Variants in FBN2 observed in about 807,000 individuals in gnomAD.
FBN2 encodes the protein fibrillin-2.
In FBN2, 105 loss-of-function variants were observed where a neutral mutation model predicts 355.6. The observed-to-expected ratio is 0.30, with a 90% CI of 0.25 to 0.35. The LOEUF is 0.35. Ranked by LOEUF, FBN2 falls within the 10% of genes least tolerant of loss-of-function variation. The pLI is 1.00. For missense variants in FBN2, 3,280 were observed against 3,758.7 expected (o/e 0.87, Z 3.33); for synonymous variants, 1,350 against 1,301.2 (o/e 1.04, Z -0.81).
At chr5:128,487,506 T>C (rs1461105483) in intron 5 of FBN2, among the ~76,000 whole-genome samples, 1 of 152,214 alleles carries the variant, frequency 6.6e-6, no homozygotes, top group Non-Finnish European at 1.5e-5. Context: ...CTCTGTTTTC[T>C]TTGGGCACTT....
At chr5:128,402,425 A>G (rs1266680297) in intron 8 of FBN2, among the ~76,000 whole-genome samples, 1 of 152,178 alleles carries the variant, frequency 6.6e-6, no homozygotes, top group Non-Finnish European at 1.5e-5. Flanking sequence ...TTACAGTCAC[A>G]CCGAGAAACA....
At chr5:128,408,942 C>A (rs1383146794) in intron 7 of FBN2, 143 bp from the exon 8 acceptor site, 2 of 906,860 alleles carry the variant, frequency 2.2e-6, no homozygotes, top group Non-Finnish European at 3.5e-6. Flanking sequence ...TTGTTTCAGG[C>A]CCCAAAGAAT....
chr5:128,305,771 A>T, intron 43 of FBN2, 52 bp downstream of exon 43: 1 of 1,605,526 alleles, frequency 6.2e-7, no homozygotes, highest in Non-Finnish European at 8.5e-7. Flanking sequence ...TCTAAATGCT[A>T]TATATGTATA....
chr5:128,259,527 G>A lies in FBN2; in HGVS notation c.8667C>T (p.Ser2889=), dbSNP rs771442533. The change falls in exon 65 of 65, where the codon AGC becomes AGT. Residue 2889 remains serine, a synonymous_variant. Coordinates refer to ENST00000262464, the MANE Select transcript of FBN2 (RefSeq NM_001999.4). ...CCCCTAGGAGGTAGTCATCCTCATT[G>A]CTCTCTTCCAGTTTCTTAAGCTCCT... ...KKKELKKLEE[S]NEDDYLLGEL... 5.6e-6 allele frequency: 9 copies of A among 1,613,944 alleles called. No individual in the cohort carries two copies. The highest frequency in any genetic ancestry group is 7.6e-6 in the Non-Finnish European group (9 of 1,179,962).
intron 39 of FBN2, 100 bp from the exon 40 acceptor site, chr5:128,310,208 C>A: frequency 1.0e-6 from 1 of 1,002,230 alleles, no homozygotes; most frequent in Non-Finnish European, 1.5e-6. Context: ...TCTCTAAATC[C>A]CCATTTATGC....
chr5:128,362,407 C>T (rs1378388144), intron 18 of FBN2, among the ~76,000 whole-genome samples: 1 of 152,156 alleles, frequency 6.6e-6, no homozygotes, highest in East Asian at 1.9e-4. Context: ...TTTTAGCAGT[C>T]CAGAACAGCC....
At chr5:128,281,102 C>T (rs973705322) in intron 55 of FBN2, among the ~76,000 whole-genome samples, 19 of 151,902 alleles carry the variant, frequency 1.3e-4, no homozygotes, top group Admixed American at 9.8e-4. Context: ...TTAGTATTTG[C>T]CTTGAATATT....
intron 42 of FBN2, 103 bp from the exon 43 acceptor site, chr5:128,306,051 T>C: frequency 8.5e-7 from 1 of 1,183,128 alleles, no homozygotes. Flanking sequence ...GTACAAATAT[T>C]CAGTGTCACA....
At chr5:128,375,028 G>A (rs1247564153) in intron 14 of FBN2, among the ~76,000 whole-genome samples, 1 of 152,044 alleles carries the variant, frequency 6.6e-6, no homozygotes. Flanking sequence ...ATTCAAATTA[G>A]TTAAGTAAAA....
chr5:128,262,912 C>A (rs1765011312), intron 63 of FBN2, among the ~76,000 whole-genome samples: 2 of 152,218 alleles, frequency 1.3e-5, no homozygotes, highest in East Asian at 3.9e-4. Flanking sequence ...TCTTGTGGGT[C>A]AGGCCCGTGC....
chr5:128,402,784 T>C (rs552102291), intron 8 of FBN2, among the ~76,000 whole-genome samples: 6 of 152,328 alleles, frequency 3.9e-5, no homozygotes, highest in African/African-American at 1.2e-4. Flanking sequence ...CACTCACCTC[T>C]TTGATGGTCT....
chr5:128,296,863 T>G (rs529090937), intron 48 of FBN2, among the ~76,000 whole-genome samples: 1 of 151,638 alleles, frequency 6.6e-6, no homozygotes, highest in East Asian at 1.9e-4. Context: ...TTTTAGTTAT[T>G]TCTTGCCTTC....
In FBN2 at chr5:128,337,698, C is replaced by T. The variant is rs192070791; in HGVS notation, c.3598+299G>A. On this transcript the variant is annotated intron_variant, in intron 27 of 64. Transcript: ENST00000262464. Reference sequence around the variant, plus strand: ...GGTGCACAACGCACACAGTAGCTTTCCCATTTTTTCCTAATGGAGGATGAG... The same window carrying T: ...GGTGCACAACGCACACAGTAGCTTTTCCATTTTTTCCTAATGGAGGATGAG... 2.7e-3 allele frequency among the ~76,000 whole-genome samples: 418 copies of T among 152,304 alleles called. 11 individuals are homozygous for T. Among genetic ancestry groups the T allele is most frequent in the Non-Finnish European group, 2.4e-4 (16 of 68,026 alleles).
intron 6 of FBN2, among the ~76,000 whole-genome samples, chr5:128,456,970 T>C (rs1419707973): frequency 1.3e-5 from 2 of 152,132 alleles, no homozygotes; most frequent in Non-Finnish European, 2.9e-5. Flanking sequence ...TTGACAGAAG[T>C]AGGCTTCACA....
At chr5:128,532,808 G>T (rs1756741864) in intron 2 of FBN2, among the ~76,000 whole-genome samples, 1 of 152,180 alleles carries the variant, frequency 6.6e-6, no homozygotes, top group South Asian at 2.1e-4. Context: ...CACCTTGGGA[G>T]CCTTAGGCAA....
intron 6 of FBN2, among the ~76,000 whole-genome samples, chr5:128,463,762 C>A (rs1754622016): frequency 6.6e-6 from 1 of 152,310 alleles, no homozygotes; most frequent in South Asian, 2.1e-4. Flanking sequence ...TAGATAACAT[C>A]TTCACTTGTG....
chr5:128,385,973 T>C lies in FBN2; in HGVS notation c.1603+6045A>G, dbSNP rs143395326. On this transcript the variant is annotated intron_variant, in intron 11 of 64. Coordinates refer to ENST00000262464, the MANE Select transcript of FBN2 (RefSeq NM_001999.4). ...TTTGCAAATATTTTCTCCTACTCTGTAGGTTGTTTACTCTGATACTTTCTT... is the reference window on the plus strand; with the variant it reads ...TTTGCAAATATTTTCTCCTACTCTGCAGGTTGTTTACTCTGATACTTTCTT... Among the ~76,000 whole-genome samples the C allele has an allele frequency of 5.7e-3, 865 of 152,246 alleles. 3 individuals carry two copies. Among genetic ancestry groups the C allele is most frequent in the Non-Finnish European group, 8.9e-3 (604 of 68,008 alleles).
Position 128,301,434 on chromosome 5 carries a change from C to T in FBN2, c.5994G>A (p.Lys1998=). 6.2e-7 allele frequency: 1 copy of T among 1,613,496 alleles called. No individual in the cohort carries two copies. The change falls in exon 47 of 65, where the codon AAG becomes AAA. Residue 1998 remains lysine (K), a synonymous_variant. Coordinates refer to ENST00000262464, the MANE Select transcript of FBN2 (RefSeq NM_001999.4). The part of the protein sequence containing the change: ...GRCFNEIGSF[K]CLCNEGYELT... ...GTTCATAACCTTCGTTACATAGACA[C>T]TTGAAAGAACCAATTTCATTAAAAC...
intron 47 of FBN2, 142 bp downstream of exon 47, chr5:128,301,240 T>G: frequency 1.2e-6 from 1 of 840,220 alleles, no homozygotes; most frequent in Middle Eastern, 3.2e-4. Flanking sequence ...TATACTAAAA[T>G]TTTCCATCAT....
Sources: allele counts gnomAD v4.1 joint callset (sites outside exome capture counted in the v4.1 genomes callset), GRCh38; gene constraint gnomAD v4.1.1; transcripts MANE v1.5; gene names NCBI Gene and HGNC (gene_info 2026-07-23, HGNC 2026-07-21).